The following MYO6 variants were observed in gnomAD, a reference collection of about 807,000 sequenced individuals.
MYO6 encodes the protein myosin VI, also known as unconventional myosin-VI.
In MYO6, 74 loss-of-function variants were observed where a neutral mutation model predicts 178.7. The ratio of observed to expected loss-of-function variants is 0.41; its 90% CI spans 0.34 to 0.50. The LOEUF is 0.50. Among genes scored for constraint, MYO6 ranks in the 20% least tolerant of loss-of-function variants. The pLI is 0.09. For synonymous variants in MYO6, 477 were observed against 504.6 expected, an observed-to-expected ratio of 0.95 and a Z score of 0.73; for missense variants, 1,330 against 1,547.4, an observed-to-expected ratio of 0.86 and a Z score of 2.36.
In MYO6 at chr6:75,914,968, C is replaced by A; in HGVS notation, c.3814C>A (p.Arg1272=). ...LQNAIESRQA[R]PTYATAMLQS... ...GAATGCGATTGAGAGCAGACAGGCT[C>A]GGCCCACCTATGCAACAGCCATGCT... is the stretch of plus-strand genomic sequence containing the variant. The change falls in exon 35 of 35, where the codon CGG becomes AGG. Residue 1272 remains arginine, a synonymous_variant. Coordinates refer to ENST00000369977, the MANE Select transcript of MYO6 (RefSeq NM_004999.4). 6.2e-7 allele frequency: 1 copy of A among 1,613,832 alleles called. No homozygotes were observed. The highest frequency in any genetic ancestry group is 8.5e-7 in the Non-Finnish European group (1 of 1,179,976).
chr6:75,785,978 C>T (rs186168758), intron 1 of MYO6, among the ~76,000 whole-genome samples: 101 of 151,904 alleles, frequency 6.6e-4, no homozygotes, highest in Non-Finnish European at 1.2e-3. Flanking sequence ...TGCAGTGGTG[C>T]GATCCTGGCT....
At chr6:75,864,922 A>G (rs1269482308) in intron 16 of MYO6, among the ~76,000 whole-genome samples, 2 of 152,184 alleles carry the variant, frequency 1.3e-5, no homozygotes, top group Non-Finnish European at 2.9e-5. Context: ...AGGTTAAGTG[A>G]CATGCCTAAT....
At chr6:75,844,258 G>T (rs1401287466) in intron 9 of MYO6, among the ~76,000 whole-genome samples, 1 of 152,030 alleles carries the variant, frequency 6.6e-6, no homozygotes. Context: ...TACTCCTCTT[G>T]TTCTATATTT....
At position 75,890,178 on chromosome 6, in the gene MYO6, G is replaced by A. The variant is rs1778789859; in HGVS notation, c.2780G>A (p.Arg927Lys). ...KQQEEEAERL[R>K]RIQEEMEKER... Reference sequence around the variant, plus strand: ...CAGGAAGAGGAAGCAGAAAGGCTGAGGCGTATTCAAGAAGAAATGGAAAAG... The same window carrying A: ...CAGGAAGAGGAAGCAGAAAGGCTGAAGCGTATTCAAGAAGAAATGGAAAAG... Residue 927 changes from arginine to lysine, a missense_variant, in exon 26 of 35, where the codon AGG becomes AAG. This residue lies in a region of MYO6 where 601 missense variants were observed against 626.1 expected (regional missense o/e 0.96). Transcript: ENST00000369977. The A allele has an allele frequency of 1.2e-6, 2 of 1,612,758 alleles. No homozygotes were observed. The highest frequency in any genetic ancestry group is 1.7e-6 in the Non-Finnish European group (2 of 1,178,944).
At chr6:75,909,635 G>A (rs1357368634) in intron 32 of MYO6, among the ~76,000 whole-genome samples, 1 of 152,156 alleles carries the variant, frequency 6.6e-6, no homozygotes, top group Admixed American at 6.6e-5. Context: ...TGTGATATGC[G>A]AGTTGTAATT....
At chr6:75,763,359 A>C (rs1338588425) in intron 1 of MYO6, among the ~76,000 whole-genome samples, 1 of 152,124 alleles carries the variant, frequency 6.6e-6, no homozygotes, top group Non-Finnish European at 1.5e-5. Flanking sequence ...CTTCCTATTT[A>C]AAGGGTCCCA....
At position 75,915,103 on chromosome 6, in the gene MYO6, T is replaced by G; in HGVS notation, c.*91T>G. 2.5e-6 allele frequency: 3 copies of G among 1,196,156 alleles called. No individual in the cohort carries two copies. Among genetic ancestry groups the G allele is most frequent in the Non-Finnish European group, 3.6e-6 (3 of 829,824 alleles). 74.1% of individuals were successfully genotyped at this position (1,196,156 alleles called of 1,614,324 possible). A position where few individuals can be genotyped will look rare whatever the true frequency, so the allele number is the denominator to read the frequency against. ...AGATTTAACCATTCCATAATCATGT[T>G]AGAGTTACTTCTATAAAGTGAACAG... On this transcript the variant is annotated 3_prime_UTR_variant, in exon 35 of 35. Transcript: ENST00000369977.
At chr6:75,869,357 G>A (rs971789004) in intron 18 of MYO6, among the ~76,000 whole-genome samples, 2 of 151,992 alleles carry the variant, frequency 1.3e-5, no homozygotes, top group Admixed American at 6.6e-5. Context: ...ATGAAATTTG[G>A]TGTCAGGCCG....
At chr6:75,784,268 G>C (rs1767286919) in intron 1 of MYO6, among the ~76,000 whole-genome samples, 1 of 151,932 alleles carries the variant, frequency 6.6e-6, no homozygotes, top group Non-Finnish European at 1.5e-5. Flanking sequence ...ACCGTGCCCA[G>C]CCATGACTTT....
At chr6:75,894,973 A>G in intron 28 of MYO6, 1 of 685,092 alleles carries the variant, frequency 1.5e-6, no homozygotes, top group Non-Finnish European at 2.3e-6. Flanking sequence ...TCTATTAAAA[A>G]CAAACCTCAC....
chr6:75,892,548 C>T lies in MYO6; in HGVS notation c.2965C>T (p.Leu989=), dbSNP rs747953164. The T allele has an allele frequency of 1.2e-6, 2 of 1,613,926 alleles. No homozygotes were observed. Among genetic ancestry groups the T allele is most frequent in the South Asian group, 2.2e-5 (2 of 91,066 alleles). ...TTGTCAGGCTGAAGTGGAGGCACAGCTGGCCCGACAGAAGGAGGAGGAATC... is the reference window on the plus strand; with the variant it reads ...TTGTCAGGCTGAAGTGGAGGCACAGTTGGCCCGACAGAAGGAGGAGGAATC... ...KRIQAEVEAQ[L]ARQKEEESQQ... The change falls in exon 28 of 35, where the codon CTG becomes TTG. Residue 989 remains leucine (L), a synonymous_variant. Transcript: ENST00000369977.
chr6:75,904,538 C>CA (rs1321119717), intron 30 of MYO6, among the ~76,000 whole-genome samples: 1 of 152,210 alleles, frequency 6.6e-6, no homozygotes, highest in Admixed American at 6.5e-5. Context: ...GAGGCTTCTG[C>CA]ATTCTTCACG....
intron 1 of MYO6, among the ~76,000 whole-genome samples, chr6:75,796,325 T>A (rs985077166): frequency 6.6e-6 from 1 of 152,194 alleles, no homozygotes; most frequent in African/African-American, 2.4e-5. Context: ...CCACCATACT[T>A]TTTTCCCCCT....
At chr6:75,819,790 A>C (rs1771691758) in intron 2 of MYO6, among the ~76,000 whole-genome samples, 1 of 152,242 alleles carries the variant, frequency 6.6e-6, no homozygotes, top group Non-Finnish European at 1.5e-5. Flanking sequence ...GCAGTGGCTC[A>C]TGCCTGTAAT....
chr6:75,788,322 C>T (rs1214428004), intron 1 of MYO6, among the ~76,000 whole-genome samples: 1 of 151,814 alleles, frequency 6.6e-6, no homozygotes, highest in East Asian at 1.9e-4. Flanking sequence ...CAAGATCGTG[C>T]CACTGCACTC....
intron 1 of MYO6, among the ~76,000 whole-genome samples, chr6:75,792,303 A>C (rs1011693335): frequency 1.3e-5 from 2 of 152,214 alleles, no homozygotes; most frequent in African/African-American, 4.8e-5. Context: ...TATAGATATT[A>C]ATTAGTTACC....
intron 1 of MYO6, among the ~76,000 whole-genome samples, chr6:75,770,162 C>A (rs758827665): frequency 1.3e-5 from 2 of 152,206 alleles, no homozygotes; most frequent in Non-Finnish European, 2.9e-5. Flanking sequence ...CACCCACTCT[C>A]CCTTTGCGTT....
chr6:75,765,279 C>T (rs137893176), intron 1 of MYO6, among the ~76,000 whole-genome samples: 2,443 of 143,286 alleles, frequency 0.017, 65 homozygotes, highest in African/African-American at 0.061. Context: ...TGGGTCCAAG[C>T]GATTCTCGAG....
At chr6:75,773,333 G>A (rs1232979361) in intron 1 of MYO6, among the ~76,000 whole-genome samples, 1 of 152,084 alleles carries the variant, frequency 6.6e-6, no homozygotes, top group Non-Finnish European at 1.5e-5. Flanking sequence ...ACTAAGGTTC[G>A]GAATGACAGC....
Sources: gnomAD v4.1 joint callset for allele counts (sites outside exome capture counted in the v4.1 genomes callset) on GRCh38, gnomAD v4.1.1 for gene constraint, gnomAD v4.1.1 regional missense constraint, MANE v1.5 for transcripts, NCBI Gene and HGNC (gene_info 2026-07-23, HGNC 2026-07-21) for gene names.